S100A8: variants seen among roughly 807,000 people sequenced by gnomAD.
The protein encoded by S100A8 is S100 calcium binding protein A8.
In S100A8, 1 loss-of-function variant was observed where a neutral mutation model predicts 4.2. The ratio of observed to expected loss-of-function variants is 0.24; its 90% CI spans 0.08 to 1.12. S100A8 has a LOEUF of 1.12. Among genes scored for constraint, S100A8 ranks in the 50% most tolerant of loss-of-function variants. S100A8 has a pLI of 0.53. For synonymous variants in S100A8, 41 were observed against 44.7 expected (o/e 0.92, Z 0.33); for missense variants, 96 against 111.8 (o/e 0.86, Z 0.64).
At chr1:153,416,930 A>T in the S100A8 span, among the ~76,000 whole-genome samples, 1 of 152,304 alleles carries the variant, frequency 6.6e-6, no homozygotes, top group South Asian at 2.1e-4. Flanking sequence ...CCACAGAGGG[A>T]GGAGGGATAA....
At chr1:153,397,442 G>T in the S100A8 span, among the ~76,000 whole-genome samples, 1 of 152,248 alleles carries the variant, frequency 6.6e-6, no homozygotes, top group Non-Finnish European at 1.5e-5. Context: ...TTGTTCCGAG[G>T]CAGGCGGCCC....
chr1:153,397,816 C>T, the S100A8 span, among the ~76,000 whole-genome samples: 2 of 152,158 alleles, frequency 1.3e-5, no homozygotes, highest in African/African-American at 4.8e-5. Context: ...CCGGGACAGG[C>T]TCTCCCAGCT....
At chr1:153,397,903 G>A in the S100A8 span, among the ~76,000 whole-genome samples, 2 of 152,180 alleles carry the variant, frequency 1.3e-5, no homozygotes, top group Non-Finnish European at 2.9e-5. Context: ...CCGTACCCAG[G>A]CGGGGCTGTG....
At chr1:153,408,453 G>C in the S100A8 span, among the ~76,000 whole-genome samples, 1 of 152,148 alleles carries the variant, frequency 6.6e-6, no homozygotes, top group Non-Finnish European at 1.5e-5. Context: ...AATGGACAAA[G>C]CCTCCAAGAA....
the S100A8 span, among the ~76,000 whole-genome samples, chr1:153,411,437 C>T: frequency 1.3e-5 from 2 of 152,182 alleles, no homozygotes; most frequent in Non-Finnish European, 2.9e-5. Flanking sequence ...TGCGAACAAC[C>T]TCTTCAAGGA....
At chr1:153,419,695 AC>A in the S100A8 span, 3 of 185,602 alleles carry the variant, frequency 1.6e-5, no homozygotes, top group Non-Finnish European at 3.3e-5. Context: ...CAGATACTGC[AC>A]TGAGAAGGAG....
At chr1:153,407,482 G>C in the S100A8 span, among the ~76,000 whole-genome samples, 2 of 152,196 alleles carry the variant, frequency 1.3e-5, no homozygotes, top group Non-Finnish European at 2.9e-5. Flanking sequence ...GCGCGAACTG[G>C]GTGGAGCCCA....
the S100A8 span, among the ~76,000 whole-genome samples, chr1:153,416,288 C>A: frequency 1.3e-5 from 2 of 152,198 alleles, no homozygotes; most frequent in African/African-American, 4.8e-5. Flanking sequence ...CTGCCTTACC[C>A]TCAAATCAAG....
the S100A8 span, among the ~76,000 whole-genome samples, chr1:153,414,247 T>G: frequency 7.3e-3 from 1,110 of 152,342 alleles, 7 homozygotes; most frequent in African/African-American, 0.025. Flanking sequence ...ATGAAAGAAA[T>G]AATTCATAAG....
chr1:153,417,826 G>A, the S100A8 span: 2 of 469,912 alleles, frequency 4.3e-6, no homozygotes, highest in East Asian at 7.5e-5. Context: ...ACTGTCCACA[G>A]CTGGACTTCT....
At chr1:153,410,703 C>T in the S100A8 span, among the ~76,000 whole-genome samples, 3 of 152,184 alleles carry the variant, frequency 2.0e-5, no homozygotes, top group African/African-American at 4.8e-5. Context: ...AGACCAATAT[C>T]CCTGATGAAT....
upstream of S100A8, among the ~76,000 whole-genome samples, chr1:153,395,958 G>T (rs956093757): frequency 6.6e-6 from 1 of 152,246 alleles, no homozygotes; most frequent in Non-Finnish European, 1.5e-5. Flanking sequence ...TGCTGTCGGA[G>T]CGGCATGTTA....
chr1:153,391,265 C>T, upstream of S100A8: 1 of 941,076 alleles, frequency 1.1e-6, no homozygotes, highest in Non-Finnish European at 1.3e-6. Flanking sequence ...AAGAGGAAGG[C>T]ATTTGCTGGG....
the S100A8 span, among the ~76,000 whole-genome samples, chr1:153,401,615 G>A: frequency 1.5e-3 from 226 of 152,294 alleles, 1 homozygote; most frequent in Non-Finnish European, 2.7e-3. Flanking sequence ...TACAGCAAAG[G>A]AGTAGCGCTT....
chr1:153,392,619 G>A (rs1662127782), upstream of S100A8, among the ~76,000 whole-genome samples: 1 of 152,216 alleles, frequency 6.6e-6, no homozygotes, highest in African/African-American at 2.4e-5. Flanking sequence ...TGAAGAAAAT[G>A]TTTTGTGGGG....
At chr1:153,419,609 G>T in the S100A8 span, 8 of 394,906 alleles carry the variant, frequency 2.0e-5, no homozygotes, top group Non-Finnish European at 3.7e-5. Context: ...CCAGGTGGAA[G>T]TTGGTAGAAG....
upstream of S100A8, among the ~76,000 whole-genome samples, chr1:153,392,322 T>G (rs537340356): frequency 5.3e-5 from 8 of 152,316 alleles, no homozygotes; most frequent in African/African-American, 1.9e-4. Context: ...CTACTTCTTT[T>G]AAAACCCAGA....
the S100A8 span, among the ~76,000 whole-genome samples, chr1:153,399,548 C>T: frequency 6.6e-6 from 1 of 152,204 alleles, no homozygotes; most frequent in Non-Finnish European, 1.5e-5. Flanking sequence ...ACATTCATTC[C>T]TTCATTCATT....
the S100A8 span, among the ~76,000 whole-genome samples, chr1:153,396,080 A>C: frequency 6.6e-6 from 1 of 152,224 alleles, no homozygotes; most frequent in Non-Finnish European, 1.5e-5. Flanking sequence ...TCTCAGGCTG[A>C]ACACTGCGGG....
Sources: gnomAD v4.1 joint callset for allele counts (sites outside exome capture counted in the v4.1 genomes callset) on GRCh38, gnomAD v4.1.1 for gene constraint, MANE v1.5 for transcripts, NCBI Gene and HGNC (gene_info 2026-07-23, HGNC 2026-07-21) for gene names.